Variants in PLB1 observed in about 807,000 individuals in gnomAD.
PLB1 encodes phospholipase B1, membrane-associated.
In PLB1, 242 loss-of-function variants were observed where a neutral mutation model predicts 227.4. The ratio of observed to expected loss-of-function variants is 1.06; its 90% CI spans 0.96 to 1.18. PLB1 has a LOEUF of 1.18. PLB1 is among the 50% of genes most tolerant of loss of function. The probability of loss-of-function intolerance (pLI) is 0.00; values close to 1 mark genes in which losing one functional copy is unlikely to be tolerated. For synonymous variants in PLB1, 757 were observed against 682.2 expected (o/e 1.11, Z -1.71); for missense variants, 1,858 against 1,816.3 (o/e 1.02, Z -0.42).
chr2:28,589,967 C>T (rs1180342346), intron 28 of PLB1, 38 bp from the exon 29 acceptor site: 1 of 1,582,522 alleles, frequency 6.3e-7, no homozygotes, highest in East Asian at 2.2e-5. Flanking sequence ...TTCTGGCCGC[C>T]TCTTCCTCAC....
At chr2:28,545,176 AGAG>A (rs1673055205) in intron 14 of PLB1, among the ~76,000 whole-genome samples, 1 of 152,288 alleles carries the variant, frequency 6.6e-6, no homozygotes, top group South Asian at 2.1e-4. Flanking sequence ...AGGGCTTAGA[AGAG>A]GAGGAGGATG....
At position 28,566,802 on chromosome 2, in the gene PLB1, C is replaced by A. The variant is rs376092402; in HGVS notation, c.1287C>A (p.Gly429=). 1 of 1,614,058 alleles carries A rather than the reference C, an allele frequency of 6.2e-7. No homozygotes were observed. ...TQYRGLSWSV[G]GDENIGTVTT... ...TCTTGGACCCACGTTACAGCGTCGGCGGAGATGAGAACATCGGCACCGTTA... is the reference window on the plus strand; with the variant it reads ...TCTTGGACCCACGTTACAGCGTCGGAGGAGATGAGAACATCGGCACCGTTA... Residue 429 remains glycine (G), a synonymous_variant, in exon 20 of 58, where the codon GGC becomes GGA. Coordinates refer to ENST00000327757, the MANE Select transcript of PLB1 (RefSeq NM_153021.5).
intron 38 of PLB1, among the ~76,000 whole-genome samples, chr2:28,602,438 C>T (rs1203739882): frequency 6.6e-6 from 1 of 152,242 alleles, no homozygotes; most frequent in African/African-American, 2.4e-5. Context: ...CCAGATGCTC[C>T]CCTGTGGGGG....
intron 1 of PLB1, among the ~76,000 whole-genome samples, chr2:28,501,808 AT>A (rs1558624441): frequency 6.6e-6 from 1 of 152,110 alleles, no homozygotes; most frequent in South Asian, 2.1e-4. Context: ...AGAGATCTTT[AT>A]TTTTTTCCAA....
intron 6 of PLB1, among the ~76,000 whole-genome samples, chr2:28,528,849 G>A (rs1207696749): frequency 6.6e-6 from 1 of 152,020 alleles, no homozygotes; most frequent in Non-Finnish European, 1.5e-5. Context: ...TACAGGGGTG[G>A]CCTCACAGTC....
chr2:28,583,397 T>G (rs1416643206), intron 25 of PLB1, among the ~76,000 whole-genome samples: 2 of 152,060 alleles, frequency 1.3e-5, no homozygotes, highest in Non-Finnish European at 2.9e-5. Flanking sequence ...TTGGCCAAGC[T>G]GGTCCCGAAC....
chr2:28,580,635 A>C (rs1289389827), intron 23 of PLB1, among the ~76,000 whole-genome samples: 1 of 151,518 alleles, frequency 6.6e-6, no homozygotes, highest in Non-Finnish European at 1.5e-5. Context: ...AATCGCTTGA[A>C]CCCAGGTGGC....
intron 50 of PLB1, among the ~76,000 whole-genome samples, chr2:28,625,985 C>G (rs1193871836): frequency 6.6e-6 from 1 of 150,410 alleles, no homozygotes; most frequent in Non-Finnish European, 1.5e-5. Context: ...GGAAGCCCCA[C>G]TTTGTTGCTT....
intron 10 of PLB1, 101 bp from the exon 11 acceptor site, chr2:28,538,998 A>C (rs546655113): frequency 6.1e-5 from 55 of 908,342 alleles, no homozygotes; most frequent in Non-Finnish European, 9.8e-5. Flanking sequence ...GGCCCATCAC[A>C]CTCAACCACA....
chr2:28,590,155 A>C (rs530070084), intron 29 of PLB1, 79 bp downstream of exon 29: 2 of 1,252,006 alleles, frequency 1.6e-6, no homozygotes, highest in African/African-American at 1.5e-5. Flanking sequence ...CCTCACCCTC[A>C]CCCCAGCTCT....
At chr2:28,628,863 G>A (rs538438620) in intron 52 of PLB1, among the ~76,000 whole-genome samples, 11 of 152,296 alleles carry the variant, frequency 7.2e-5, no homozygotes, top group East Asian at 1.9e-4. Context: ...CCAGGTTTGC[G>A]CCCAGCACTG....
At chr2:28,588,115 C>T (rs1368992112) in intron 26 of PLB1, among the ~76,000 whole-genome samples, 1 of 152,142 alleles carries the variant, frequency 6.6e-6, no homozygotes, top group African/African-American at 2.4e-5. Flanking sequence ...TCTCACTCTC[C>T]CTGGAGATGA....
chr2:28,602,076 G>A (rs907118121), intron 38 of PLB1, 112 bp downstream of exon 38: 2 of 1,011,862 alleles, frequency 2.0e-6, no homozygotes, highest in Non-Finnish European at 3.1e-6. Context: ...ACAGCCAGGG[G>A]CATGGACTCC....
chr2:28,640,008 C>G (rs1469071847), intron 56 of PLB1, among the ~76,000 whole-genome samples: 2 of 152,244 alleles, frequency 1.3e-5, no homozygotes, highest in Non-Finnish European at 2.9e-5. Context: ...CTCCCAGGAA[C>G]AGAACTGCCC....
intron 53 of PLB1, 90 bp from the exon 54 acceptor site, chr2:28,630,496 T>G: frequency 1.8e-6 from 2 of 1,105,662 alleles, no homozygotes; most frequent in South Asian, 1.4e-5. Context: ...CCTGGGGTAG[T>G]GGCCTGCTCT....
rs764840640 is a variant in PLB1, at chr2:28,573,225, G to A, written c.1353G>A (p.Leu451=). Residue 451 remains leucine, a synonymous_variant, in exon 21 of 58, where the codon CTG becomes CTA. Transcript: ENST00000327757. ...ANILREFNPS[L]KGFSVGTGKE... ...TCCTCCGGGAATTCAACCCTTCCCTGAAGGGCTTCTCTGTTGGCACTGGGA... is the reference window on the plus strand; with the variant it reads ...TCCTCCGGGAATTCAACCCTTCCCTAAAGGGCTTCTCTGTTGGCACTGGGA... The A allele has an allele frequency of 3.1e-6, 5 of 1,614,112 alleles. No individual in the cohort carries two copies. The Admixed American group carries it at 5.0e-5, about 16-fold the overall frequency.
At position 28,601,325 on chromosome 2, in the gene PLB1, C is replaced by G; in HGVS notation, c.2600C>G (p.Thr867Arg). 1 of 1,613,878 alleles carries G rather than the reference C, an allele frequency of 6.2e-7. No individual in the cohort carries two copies. Reference protein sequence around the residue: ...IGGSDLCDYCTDSNLYSAANF... With the variant: ...IGGSDLCDYCRDSNLYSAANF... ...GGCAGCGATTTATGTGACTACTGCA[C>G]AGATTCGGTAATTGGGGCCAGGTCC... is the stretch of plus-strand genomic sequence containing the variant. Residue 867 changes from threonine to arginine, a missense_variant, in exon 37 of 58, where the codon ACA becomes AGA. Transcript: ENST00000327757.
chr2:28,566,693 C>T (rs1573012743), intron 19 of PLB1, 103 bp from the exon 20 acceptor site: 1 of 1,311,336 alleles, frequency 7.6e-7, no homozygotes, highest in Non-Finnish European at 1.1e-6. Flanking sequence ...TCCAGGCCCC[C>T]GGGCTGTTTC....
chr2:28,595,816 G>A (rs1682808930), intron 33 of PLB1: 1 of 151,928 alleles, frequency 6.6e-6, no homozygotes, highest in Non-Finnish European at 1.5e-5. Flanking sequence ...ATGGAATTAG[G>A]GGAGAAGTAG....
Sources: gnomAD v4.1 joint callset for allele counts (sites outside exome capture counted in the v4.1 genomes callset) on GRCh38, gnomAD v4.1.1 for gene constraint, MANE v1.5 for transcripts, NCBI Gene and HGNC (gene_info 2026-07-23, HGNC 2026-07-21) for gene names.